RALYL: variants seen among roughly 807,000 people sequenced by gnomAD.
RALYL encodes the protein RNA-binding Raly-like protein.
RALYL carries 29 observed loss-of-function variants against 35.1 expected under a neutral mutation model. That is an observed-to-expected ratio of 0.83 (90% confidence interval 0.61 to 1.13). The LOEUF (loss-of-function observed/expected upper bound fraction) is 1.13, where lower values mean the gene tolerates loss of function less well. RALYL is among the 50% of genes most tolerant of loss of function. The pLI, the probability that RALYL is intolerant of heterozygous loss-of-function variation, is 0.00. For synonymous variants in RALYL, 120 were observed against 127.6 expected, an observed-to-expected ratio of 0.94 and a Z score of 0.40; for missense variants, 359 against 360.4, an observed-to-expected ratio of 1.00 and a Z score of 0.03.
intron 2 of RALYL, among the ~76,000 whole-genome samples, chr8:84,565,792 C>G (rs752085183): frequency 6.6e-6 from 1 of 151,554 alleles, no homozygotes; most frequent in Admixed American, 6.6e-5. Context: ...TACTGTGAAT[C>G]CTGAATAATT....
rs562361936 is a variant in RALYL, at chr8:84,505,173, A to G, written c.-23-24126A>G. 1.3e-3 allele frequency among the ~76,000 whole-genome samples: 196 copies of G among 152,266 alleles called. 11 individuals are homozygous for G. In the South Asian group the frequency reaches 0.037, roughly 29 times the overall value. ...ATCCTGAGATTCCTATTTGCCATCA[A>G]TCTGCACCTTACCTCGGTTTAGTAT... On this transcript the variant is annotated intron_variant, in intron 1 of 8. Transcript: ENST00000521268.
chr8:84,524,878 T>G (rs1270775181), intron 1 of RALYL, among the ~76,000 whole-genome samples: 1 of 151,830 alleles, frequency 6.6e-6, no homozygotes, highest in Non-Finnish European at 1.5e-5. Context: ...CTATTGTATC[T>G]TTCCTAAGTT....
At chr8:84,344,363 T>A (rs548786955) in intron 1 of RALYL, among the ~76,000 whole-genome samples, 2 of 151,892 alleles carry the variant, frequency 1.3e-5, no homozygotes, top group South Asian at 4.4e-4. Flanking sequence ...CAAGGAAGAT[T>A]ATTTAAAGTA....
intron 1 of RALYL, among the ~76,000 whole-genome samples, chr8:84,438,327 T>C (rs1450723114): frequency 7.9e-5 from 12 of 152,126 alleles, no homozygotes; most frequent in Non-Finnish European, 1.8e-4. Context: ...ATAAATTACT[T>C]CCCAAGGCTG....
intron 1 of RALYL, among the ~76,000 whole-genome samples, chr8:84,486,353 A>T (rs2054627381): frequency 6.6e-6 from 1 of 151,490 alleles, no homozygotes; most frequent in African/African-American, 2.4e-5. Context: ...TTAATATTTT[A>T]AAATTATATT....
chr8:84,554,971 A>T (rs1328679101), intron 2 of RALYL, among the ~76,000 whole-genome samples: 1 of 151,968 alleles, frequency 6.6e-6, no homozygotes, highest in African/African-American at 2.4e-5. Flanking sequence ...TTATATGCTG[A>T]CTTTAGATCC....
intron 1 of RALYL, among the ~76,000 whole-genome samples, chr8:84,235,151 G>A (rs1400051144): frequency 1.3e-5 from 2 of 152,136 alleles, no homozygotes; most frequent in Non-Finnish European, 2.9e-5. Context: ...TATGACAATT[G>A]TTATTCAAAG....
intron 2 of RALYL, among the ~76,000 whole-genome samples, chr8:84,541,159 C>T (rs933175070): frequency 6.6e-6 from 1 of 151,540 alleles, no homozygotes; most frequent in African/African-American, 2.4e-5. Context: ...TTTAATTTGC[C>T]ACTCTTTTCC....
intron 1 of RALYL, among the ~76,000 whole-genome samples, chr8:84,281,318 G>A (rs1259461181): frequency 6.6e-6 from 1 of 152,040 alleles, no homozygotes; most frequent in Non-Finnish European, 1.5e-5. Context: ...TATCAGTTTT[G>A]CTAAGTATCA....
rs113801840 is a variant in RALYL, at chr8:84,528,068, G to A, written c.-23-1231G>A. Among the ~76,000 whole-genome samples, 116 of 152,072 alleles carry A rather than the reference G, an allele frequency of 7.6e-4. 1 individual carries two copies. In the Middle Eastern group the frequency reaches 0.01, roughly 13 times the overall value. On this transcript the variant is annotated intron_variant, in intron 1 of 8. Coordinates refer to ENST00000521268, the MANE Select transcript of RALYL (RefSeq NM_173848.7). ...TTTACATGCCTTAAAGACTTCCACC[G>A]CCTTAATGCTTAATTTAGAAATATC...
intron 2 of RALYL, among the ~76,000 whole-genome samples, chr8:84,684,973 G>A (rs1333140328): frequency 2.0e-5 from 3 of 152,082 alleles, no homozygotes; most frequent in East Asian, 1.9e-4. Context: ...GTAGGCAGTC[G>A]CCATTTTGCT....
intron 1 of RALYL, among the ~76,000 whole-genome samples, chr8:84,401,637 CAAAAAAAAAA>C (rs71271985): frequency 1.1e-4 from 2 of 17,404 alleles, no homozygotes; most frequent in African/African-American, 1.5e-4. Flanking sequence ...GACTCTGTCT[CAAAAAAAAAA>C]AAAAAAAAAA....
chr8:84,269,844 T>G (rs1174649967), intron 1 of RALYL, among the ~76,000 whole-genome samples: 1 of 152,124 alleles, frequency 6.6e-6, no homozygotes, highest in Admixed American at 6.5e-5. Context: ...TATTTAAAAC[T>G]AATACTATAG....
chr8:84,367,371 G>T (rs868785950), intron 1 of RALYL, among the ~76,000 whole-genome samples: 5 of 53,340 alleles, frequency 9.4e-5, no homozygotes, highest in Non-Finnish European at 1.6e-4. Context: ...TTTTTTTTTA[G>T]TAGAGGCAGG....
intron 1 of RALYL, among the ~76,000 whole-genome samples, chr8:84,431,128 A>G (rs1414701676): frequency 6.6e-6 from 1 of 152,246 alleles, no homozygotes; most frequent in South Asian, 2.1e-4. Context: ...TGTGCCTGGG[A>G]TCTCCTCAGA....
At position 84,379,046 on chromosome 8, in the gene RALYL, C is replaced by T. The variant is rs115237120; in HGVS notation, c.-23-150253C>T. Among the ~76,000 whole-genome samples, 1,356 of 152,020 alleles carry T rather than the reference C, an allele frequency of 8.9e-3. 18 individuals carry two copies. Among genetic ancestry groups the T allele is most frequent in the African/African-American group, 0.031 (1,278 of 41,508 alleles). ...GCCACCTGTTTCTCAGATGCAGCTCCATGTTCGACAGCCTGTGGATATATC... is the reference window on the plus strand; with the variant it reads ...GCCACCTGTTTCTCAGATGCAGCTCTATGTTCGACAGCCTGTGGATATATC... On this transcript the variant is annotated intron_variant, in intron 1 of 8. Transcript: ENST00000521268.
At chr8:84,348,333 A>C (rs529764838) in intron 1 of RALYL, among the ~76,000 whole-genome samples, 11 of 152,142 alleles carry the variant, frequency 7.2e-5, no homozygotes, top group Non-Finnish European at 1.2e-4. Flanking sequence ...TTGCTGACTG[A>C]GTAATGACTG....
chr8:84,604,618 C>A, intron 2 of RALYL, among the ~76,000 whole-genome samples: 1 of 152,110 alleles, frequency 6.6e-6, no homozygotes, highest in South Asian at 2.1e-4. Flanking sequence ...TACAGGAAAG[C>A]TTGCCACACC....
At chr8:84,342,400 A>AAATTGAT (rs1038664190) in intron 1 of RALYL, among the ~76,000 whole-genome samples, 4 of 148,790 alleles carry the variant, frequency 2.7e-5, no homozygotes, top group African/African-American at 1.0e-4. Context: ...CCATAGGGCC[A>AAATTGAT]AATTGATGTC....
Sources: gnomAD v4.1 joint callset for allele counts (sites outside exome capture counted in the v4.1 genomes callset) on GRCh38, gnomAD v4.1.1 for gene constraint, MANE v1.5 for transcripts, NCBI Gene and HGNC (gene_info 2026-07-23, HGNC 2026-07-21) for gene names.